ZBTB8OS: variants seen among roughly 807,000 people sequenced by gnomAD.
The protein encoded by ZBTB8OS is tRNA splicing ligase complex subunit 1.
Under a neutral mutation model 29.3 loss-of-function variants are expected in ZBTB8OS, and 16 were observed. The observed-to-expected ratio is 0.55, with a 90% CI of 0.37 to 0.83. ZBTB8OS has a LOEUF of 0.83. Ranked by LOEUF, ZBTB8OS falls within the 40% of genes least tolerant of loss-of-function variation. The pLI, the probability that ZBTB8OS is intolerant of heterozygous loss-of-function variation, is 0.00. For synonymous variants in ZBTB8OS, 70 were observed against 64.6 expected, an observed-to-expected ratio of 1.08 and a Z score of -0.40; for missense variants, 160 against 196.9, an observed-to-expected ratio of 0.81 and a Z score of 1.12.
chr1:32,648,125 G>A (rs1414468007), intron 1 of ZBTB8OS, among the ~76,000 whole-genome samples: 1 of 151,156 alleles, frequency 6.6e-6, no homozygotes, highest in Admixed American at 6.6e-5. Flanking sequence ...TTCCAAAACA[G>A]TATAATATGT....
Position 32,627,500 on chromosome 1 carries a change from A to G in ZBTB8OS, c.417+8T>C, listed in dbSNP as rs761873213. On this transcript the variant is annotated splice_region_variant and intron_variant, in intron 6 of 6. Coordinates refer to ENST00000468695, the MANE Select transcript of ZBTB8OS (RefSeq NM_178547.5). Reference sequence around the variant, plus strand: ...TCATGTTCTTAATGGCTGGATTTTAAAACATACCTGAGGGTGCTTGGACAA... The same window carrying G: ...TCATGTTCTTAATGGCTGGATTTTAGAACATACCTGAGGGTGCTTGGACAA... 1.9e-6 allele frequency: 3 copies of G among 1,613,094 alleles called. No individual in the cohort carries two copies. The South Asian group carries it at 3.3e-5, about 18-fold the overall frequency.
chr1:32,628,229 T>G (rs1645265839), intron 5 of ZBTB8OS, among the ~76,000 whole-genome samples: 1 of 151,560 alleles, frequency 6.6e-6, no homozygotes, highest in South Asian at 2.1e-4. Flanking sequence ...TGGTGGCGCA[T>G]GTCTGTAATC....
rs553433334 is a variant in ZBTB8OS, at chr1:32,630,927, C to T, written c.380+900G>A. On this transcript the variant is annotated intron_variant, in intron 5 of 6. Coordinates refer to ENST00000468695, the MANE Select transcript of ZBTB8OS (RefSeq NM_178547.5). ...ACTCGGGAGGCTGAGGCAGAAGAATCGCTTGAACCCAGGAGGTGGAGGTTG... is the reference window on the plus strand; with the variant it reads ...ACTCGGGAGGCTGAGGCAGAAGAATTGCTTGAACCCAGGAGGTGGAGGTTG... Among the ~76,000 whole-genome samples, 9 of 152,120 alleles carry T rather than the reference C, an allele frequency of 5.9e-5. No individual in the cohort carries two copies. In the South Asian group the frequency reaches 6.2e-4, roughly 11 times the overall value.
intron 1 of ZBTB8OS, among the ~76,000 whole-genome samples, chr1:32,645,238 C>T (rs1009573644): frequency 2.6e-5 from 4 of 152,046 alleles, no homozygotes; most frequent in Non-Finnish European, 5.9e-5. Context: ...TAGCTCACAC[C>T]TGTAATCCCA....
intron 3 of ZBTB8OS, 86 bp from the exon 4 acceptor site, chr1:32,633,813 G>A (rs1645749715): frequency 1.4e-6 from 2 of 1,462,314 alleles, no homozygotes; most frequent in Admixed American, 4.6e-5. Context: ...AATGTCTTAG[G>A]TCAGTTTAAA....
intron 1 of ZBTB8OS, among the ~76,000 whole-genome samples, chr1:32,645,164 T>G: frequency 6.9e-6 from 1 of 145,660 alleles, no homozygotes; most frequent in Non-Finnish European, 1.5e-5. Context: ...GTCAACAGAG[T>G]GAGACTTCAT....
upstream of ZBTB8OS, chr1:32,650,553 T>C (rs1647372579): frequency 6.2e-7 from 1 of 1,613,996 alleles, no homozygotes; most frequent in African/African-American, 1.3e-5. Flanking sequence ...GACACTCTAC[T>C]TCCGCCCTTC....
Position 32,634,718 on chromosome 1 carries a change from A to T in ZBTB8OS, c.122+50T>A, listed in dbSNP as rs752296660. 5.0e-6 allele frequency: 8 copies of T among 1,612,002 alleles called. No individual in the cohort carries two copies. In the Admixed American group the frequency reaches 1.3e-4, roughly 27 times the overall value. On this transcript the variant is annotated intron_variant, in intron 2 of 6. Transcript: ENST00000468695. ...TAGGGATACCAAGATTGAAACATTCAGTCTTCCTACTGACGTGGTTTCAAA... is the reference window on the plus strand; with the variant it reads ...TAGGGATACCAAGATTGAAACATTCTGTCTTCCTACTGACGTGGTTTCAAA...
At chr1:32,629,162 G>A in intron 5 of ZBTB8OS, among the ~76,000 whole-genome samples, 1 of 151,890 alleles carries the variant, frequency 6.6e-6, no homozygotes, top group East Asian at 1.9e-4. Context: ...TGTAATCTCA[G>A]CACTTTGGGA....
intron 1 of ZBTB8OS, among the ~76,000 whole-genome samples, chr1:32,649,578 A>G (rs1647127446): frequency 1.3e-5 from 2 of 151,444 alleles, no homozygotes; most frequent in South Asian, 4.2e-4. Context: ...AGCGCGGGCT[A>G]TGATCGCTCC....
At chr1:32,641,772 T>A (rs1167026614) in intron 1 of ZBTB8OS, among the ~76,000 whole-genome samples, 15 of 148,742 alleles carry the variant, frequency 1.0e-4, no homozygotes, top group African/African-American at 3.7e-4. Context: ...AAAAAAAAAA[T>A]TAGCCGGGCA....
upstream of ZBTB8OS, chr1:32,650,571 G>C (rs530065024): frequency 6.2e-7 from 1 of 1,613,810 alleles, no homozygotes; most frequent in Middle Eastern, 1.6e-4. Flanking sequence ...TTCATCCACC[G>C]GACTTCGGCC....
chr1:32,648,669 T>A (rs1647036204), intron 1 of ZBTB8OS, among the ~76,000 whole-genome samples: 1 of 152,104 alleles, frequency 6.6e-6, no homozygotes, highest in Non-Finnish European at 1.5e-5. Context: ...TAAAAATAAT[T>A]TTTTTTTGAG....
chr1:32,650,336 C>T (rs1647275184), intron 1 of ZBTB8OS, 97 bp downstream of exon 1: 2 of 1,496,866 alleles, frequency 1.3e-6, no homozygotes, highest in Non-Finnish European at 1.8e-6. Flanking sequence ...CTGAAGTACC[C>T]ATGGGGCACA....
intron 1 of ZBTB8OS, among the ~76,000 whole-genome samples, chr1:32,647,185 A>G (rs1221540196): frequency 6.6e-6 from 1 of 150,898 alleles, no homozygotes; most frequent in African/African-American, 2.4e-5. Flanking sequence ...CCTGACCAAC[A>G]TGGAGAAACC....
chr1:32,645,129 A>C (rs375500831), intron 1 of ZBTB8OS, among the ~76,000 whole-genome samples: 4 of 150,452 alleles, frequency 2.7e-5, no homozygotes, highest in African/African-American at 7.4e-5. Flanking sequence ...CAGTGAGCCG[A>C]GATGGCGCCA....
intron 4 of ZBTB8OS, 85 bp downstream of exon 4, chr1:32,633,560 A>C: frequency 8.9e-6 from 9 of 1,009,610 alleles, no homozygotes; most frequent in Non-Finnish European, 1.3e-5. Context: ...TTTGTTTCAC[A>C]TGTCCTATTT....
At chr1:32,639,885 A>G (rs1223736047) in intron 1 of ZBTB8OS, 1 of 152,156 alleles carries the variant, frequency 6.6e-6, no homozygotes. Context: ...ATAAAATCCA[A>G]CCTCACAAAT....
At chr1:32,643,015 C>A (rs1368296489) in intron 1 of ZBTB8OS, among the ~76,000 whole-genome samples, 1 of 146,736 alleles carries the variant, frequency 6.8e-6, no homozygotes, top group Admixed American at 6.9e-5. Flanking sequence ...AGGTGATCTG[C>A]GGGCCTCGGC....
Sources: gnomAD v4.1 joint callset for allele counts (sites outside exome capture counted in the v4.1 genomes callset) on GRCh38, gnomAD v4.1.1 for gene constraint, MANE v1.5 for transcripts, NCBI Gene and HGNC (gene_info 2026-07-23, HGNC 2026-07-21) for gene names.